The following VSTM2A variants were observed in gnomAD, a reference collection of about 807,000 sequenced individuals.
The protein encoded by VSTM2A is V-set and transmembrane domain-containing protein 2A.
Under a neutral mutation model 27.3 loss-of-function variants are expected in VSTM2A, and 13 were observed. That is an observed-to-expected ratio of 0.48 (90% CI 0.31 to 0.76). The LOEUF (loss-of-function observed/expected upper bound fraction) is 0.76. Among genes scored for constraint, VSTM2A ranks in the 30% least tolerant of loss-of-function variants. The pLI, the probability that VSTM2A is intolerant of heterozygous loss-of-function variation, is 0.05. For synonymous variants in VSTM2A, 142 were observed against 125.7 expected (o/e 1.13, Z -0.87); for missense variants, 280 against 310.0 (o/e 0.90, Z 0.73).
Position 54,546,702 on chromosome 7 carries a change from CCGGGACAGCCCCG to C in VSTM2A, c.247-244_247-232del. 6.2e-6 allele frequency: 3 copies of C among 482,302 alleles called. No homozygotes were observed. In the South Asian group the frequency reaches 8.8e-5, roughly 14 times the overall value. The allele number at this position is 482,302 out of a possible 1,614,324, so 29.9% of individuals were successfully genotyped here. On this transcript the variant is annotated intron_variant, in intron 2 of 4. Coordinates refer to ENST00000402613, the MANE Select transcript of VSTM2A (RefSeq NM_001301009.2). ...GCGCCGGGACAGCGCCGGGACAGCC[CCGGGACAGCCCCG>C]GGGAAAGCGCGGGGACGGCGTGGGG...
intron 4 of VSTM2A, among the ~76,000 whole-genome samples, chr7:54,564,985 G>A (rs1788675921): frequency 6.7e-6 from 1 of 149,986 alleles, no homozygotes; most frequent in Non-Finnish European, 1.5e-5. Flanking sequence ...TCAGAGTTGG[G>A]GAAAAGTTAA....
intron 4 of VSTM2A, among the ~76,000 whole-genome samples, chr7:54,564,874 C>A (rs376948541): frequency 2.6e-5 from 4 of 151,954 alleles, no homozygotes; most frequent in Non-Finnish European, 5.9e-5. Context: ...TATGTTATAT[C>A]GTAAGAAATT....
chr7:54,545,281 G>A (rs879788333), intron 2 of VSTM2A, among the ~76,000 whole-genome samples: 1 of 151,744 alleles, frequency 6.6e-6, no homozygotes, highest in Non-Finnish European at 1.5e-5. Flanking sequence ...CAGATATGTG[G>A]GGTGTCGGGG....
At chr7:54,543,763 C>T (rs1787857754) in intron 1 of VSTM2A, among the ~76,000 whole-genome samples, 1 of 152,104 alleles carries the variant, frequency 6.6e-6, no homozygotes, top group Non-Finnish European at 1.5e-5. Flanking sequence ...TTGCAAAGTG[C>T]CCCTTAGATA....
chr7:54,553,703 G>A (rs1346186419), intron 4 of VSTM2A, among the ~76,000 whole-genome samples: 1 of 152,056 alleles, frequency 6.6e-6, no homozygotes, highest in Non-Finnish European at 1.5e-5. Context: ...AGAGGAGGGT[G>A]GCACCAAGCA....
At chr7:54,555,554 CTCA>C (rs1788328871) in intron 4 of VSTM2A, among the ~76,000 whole-genome samples, 1 of 152,174 alleles carries the variant, frequency 6.6e-6, no homozygotes, top group Non-Finnish European at 1.5e-5. Flanking sequence ...GAATTGGTTA[CTCA>C]TCAAGTTCTC....
intron 2 of VSTM2A, 128 bp downstream of exon 2, chr7:54,544,916 T>G (rs1584041946): frequency 8.5e-7 from 1 of 1,170,926 alleles, no homozygotes; most frequent in Admixed American, 2.9e-5. Context: ...TGGAAGCGAG[T>G]GACCCCCAGG....
chr7:54,554,693 G>T (rs1200961599), intron 4 of VSTM2A, among the ~76,000 whole-genome samples: 2 of 152,192 alleles, frequency 1.3e-5, no homozygotes, highest in African/African-American at 4.8e-5. Flanking sequence ...CACTGTGGAA[G>T]CAGTGCAGCC....
intron 4 of VSTM2A, among the ~76,000 whole-genome samples, chr7:54,561,372 T>TTTAA (rs200907696): frequency 0.069 from 10,480 of 152,268 alleles, 430 homozygotes; most frequent in African/African-American, 0.12. Context: ...TAATGTAATT[T>TTTAA]GGTGAACGTT....
At chr7:54,551,858 G>A (rs924993023) in intron 4 of VSTM2A, 3 of 152,184 alleles carry the variant, frequency 2.0e-5, no homozygotes, top group Non-Finnish European at 2.9e-5. Context: ...TTCCAAGTTA[G>A]ATGTCATCAA....
rs1043573913 is a variant in VSTM2A at position 54,550,054 on chromosome 7, G to C, written c.518G>C (p.Arg173Pro). The change falls in exon 4 of 5, where the codon CGC becomes CCC. Residue 173 changes from arginine to proline, a missense_variant. Arg to Pro is a moderately radical substitution (Grantham distance 103). Transcript: ENST00000402613. ...SPMWLQDMKP[R>P]KNVSAAIPSS... is the part of the protein sequence containing the mutation. ...ATGTGGCTGCAGGATATGAAGCCCC[G>C]CAAGAACGTCTCCGCAGCCATCCCC... 6.2e-7 allele frequency: 1 copy of C among 1,609,224 alleles called. No individual in the cohort carries two copies.
chr7:54,547,850 A>T (rs1417828239), intron 3 of VSTM2A, among the ~76,000 whole-genome samples: 3 of 152,200 alleles, frequency 2.0e-5, no homozygotes, highest in Non-Finnish European at 4.4e-5. Flanking sequence ...AAAGTGGTAG[A>T]AGATTGGAGT....
In VSTM2A at chr7:54,547,010, C is replaced by T. The variant is rs764950161; in HGVS notation, c.297+13C>T. The stretch of plus-strand genomic sequence containing the variant: ...GACCAAGATCAGCGTGAGTGCGGGG[C>T]GCGCCAAGGGCCGCGGGCCCAGGCT... On this transcript the variant is annotated intron_variant, in intron 3 of 4. Coordinates refer to ENST00000402613, the MANE Select transcript of VSTM2A (RefSeq NM_001301009.2). 28 of 1,202,682 alleles carry T rather than the reference C, an allele frequency of 2.3e-5. No individual in the cohort carries two copies. The Admixed American group carries it at 7.2e-4, about 31-fold the overall frequency. 74.5% of individuals were successfully genotyped at this position (1,202,682 alleles called of 1,614,324 possible).
chr7:54,549,741 T>C, intron 3 of VSTM2A, 93 bp from the exon 4 acceptor site: 1 of 1,245,040 alleles, frequency 8.0e-7, no homozygotes, highest in Middle Eastern at 1.9e-4. Flanking sequence ...TTAAGACCCT[T>C]TAACTTTCCA....
At chr7:54,554,058 G>A (rs775491976) in intron 4 of VSTM2A, 29 of 1,552,146 alleles carry the variant, frequency 1.9e-5, no homozygotes, top group African/African-American at 1.6e-4. Flanking sequence ...GCAGAGCTGC[G>A]TGCTGGCTCC....
At chr7:54,549,759 C>A in intron 3 of VSTM2A, 75 bp from the exon 4 acceptor site, 1 of 1,366,830 alleles carries the variant, frequency 7.3e-7, no homozygotes, top group Non-Finnish European at 9.8e-7. Flanking sequence ...CCAATATTAG[C>A]AAGCTCAGGG....
intron 3 of VSTM2A, among the ~76,000 whole-genome samples, chr7:54,548,627 G>T (rs1788080119): frequency 6.6e-6 from 1 of 152,066 alleles, no homozygotes; most frequent in Non-Finnish European, 1.5e-5. Flanking sequence ...AAATACTCTA[G>T]CTACCTCAAA....
chr7:54,549,797 T>G, intron 3 of VSTM2A, 37 bp from the exon 4 acceptor site: 1 of 1,519,780 alleles, frequency 6.6e-7, no homozygotes, highest in Non-Finnish European at 8.8e-7. Context: ...TCATTTGATG[T>G]AGCACTTTAT....
rs1159738689 is a variant in VSTM2A, at chr7:54,570,813, C to T, written c.*1594C>T. The T allele has an allele frequency of 1.3e-5, 2 of 152,126 alleles. No individual in the cohort carries two copies. The highest frequency in any genetic ancestry group is 2.9e-5 in the Non-Finnish European group (2 of 68,002). The allele number at this position is 152,126 out of a possible 1,614,324, so 9.4% of individuals were successfully genotyped here. A position where few individuals can be genotyped will look rare whatever the true frequency, so the allele number is the denominator to read the frequency against. ...TCTCATTACAAAACCAGAAGATCAG[C>T]TATGTGGGGCCATCAGCTCCCAGCC... On this transcript the variant is annotated 3_prime_UTR_variant, in exon 5 of 5. Transcript: ENST00000402613.
Sources: allele counts gnomAD v4.1 joint callset (sites outside exome capture counted in the v4.1 genomes callset), GRCh38; gene constraint gnomAD v4.1.1; transcripts MANE v1.5; gene names NCBI Gene and HGNC (gene_info 2026-07-23, HGNC 2026-07-21).